CDK5RAP3: variants seen among roughly 807,000 people sequenced by gnomAD.
CDK5RAP3 encodes CDK5 regulatory subunit associated protein 3.
Under a neutral mutation model 73.3 loss-of-function variants are expected in CDK5RAP3, and 58 were observed. The ratio of observed to expected loss-of-function variants is 0.79; its 90% CI spans 0.64 to 0.98. The LOEUF (loss-of-function observed/expected upper bound fraction) is 0.98, where lower values mean the gene tolerates loss of function less well. Among genes scored for constraint, CDK5RAP3 ranks in the 50% least tolerant of loss-of-function variants. The pLI, the probability that CDK5RAP3 is intolerant of heterozygous loss-of-function variation, is 0.00. For missense variants in CDK5RAP3, 525 were observed against 615.8 expected (o/e 0.85, Z 1.56); for synonymous variants, 224 against 247.5 (o/e 0.91, Z 0.89).
intron 2 of CDK5RAP3, among the ~76,000 whole-genome samples, chr17:47,971,715 A>G (rs1292825291): frequency 6.6e-6 from 1 of 152,208 alleles, no homozygotes; most frequent in Admixed American, 6.5e-5. Context: ...CATGCCTGTA[A>G]TCCCAGCACT....
At position 47,973,916 on chromosome 17, in the gene CDK5RAP3, T is replaced by G; in HGVS notation, c.185-15T>G. 1 of 1,596,544 alleles carries G rather than the reference T, an allele frequency of 6.3e-7. No homozygotes were observed. Among genetic ancestry groups the G allele is most frequent in the Non-Finnish European group, 8.6e-7 (1 of 1,163,960 alleles). On this transcript the variant is annotated splice_polypyrimidine_tract_variant and intron_variant, in intron 3 of 13. Coordinates refer to ENST00000338399, the MANE Select transcript of CDK5RAP3 (RefSeq NM_176096.3). ...AGATACTTTAGTTCTCGAAATCCCG[T>G]CTCTTGCTTTCTAGACATTCACTAC...
chr17:47,972,091 A>G (rs2036284731), intron 2 of CDK5RAP3, among the ~76,000 whole-genome samples: 1 of 72,574 alleles, frequency 1.4e-5, no homozygotes. Context: ...GCATTATGCC[A>G]GGAAAAAAAA....
intron 4 of CDK5RAP3, 93 bp from the exon 5 acceptor site, chr17:47,974,307 A>T (rs1598219904): frequency 1.8e-6 from 2 of 1,106,240 alleles, no homozygotes; most frequent in East Asian, 4.7e-5. Context: ...TGTGATGTAA[A>T]GGCTGGGAGA....
chr17:47,971,345 A>C lies in CDK5RAP3; in HGVS notation c.7-17A>C. The C allele has an allele frequency of 1.9e-6, 3 of 1,608,380 alleles. No homozygotes were observed. Among genetic ancestry groups the C allele is most frequent in the Non-Finnish European group, 2.5e-6 (3 of 1,177,630 alleles). On this transcript the variant is annotated splice_polypyrimidine_tract_variant and intron_variant, in intron 1 of 13. Transcript: ENST00000338399. ...TCTCCGCGCTCACGCCCCCCTCCTC[A>C]CCGTGTTTCCCGCCAGGACCATCAG...
At position 47,978,920 on chromosome 17, in the gene CDK5RAP3, A is replaced by T; in HGVS notation, c.1077+3A>T. The T allele has an allele frequency of 6.2e-7, 1 of 1,611,884 alleles. No individual in the cohort carries two copies. Among genetic ancestry groups the T allele is most frequent in the South Asian group, 1.1e-5 (1 of 91,038 alleles). On this transcript the variant is annotated splice_donor_region_variant and intron_variant, in intron 11 of 13. Transcript: ENST00000338399. ...AGTTCCTTGATGAGCTCATGGAGGT[A>T]CTGTCATCTCTGGAAGATGCAGGGG... is the stretch of plus-strand genomic sequence containing the variant.
chr17:47,981,373 C>T (rs200037298), intron 13 of CDK5RAP3, 39 bp downstream of exon 13: 4 of 1,613,956 alleles, frequency 2.5e-6, no homozygotes, highest in Non-Finnish European at 3.4e-6. Context: ...GGGAGGACTC[C>T]CAGTCTGTGC....
intron 3 of CDK5RAP3, 56 bp downstream of exon 3, chr17:47,973,706 A>C: frequency 6.3e-7 from 1 of 1,599,308 alleles, no homozygotes; most frequent in Non-Finnish European, 8.6e-7. Flanking sequence ...AGTATGTATC[A>C]GCTGAGCTAC....
chr17:47,970,367 C>G (rs928743110), upstream of CDK5RAP3, among the ~76,000 whole-genome samples: 35 of 152,290 alleles, frequency 2.3e-4, no homozygotes, highest in Non-Finnish European at 4.4e-4. Flanking sequence ...CTGTGCATTT[C>G]CATTTTGCAC....
intron 4 of CDK5RAP3, 126 bp downstream of exon 4, chr17:47,974,157 CTG>C: frequency 1.3e-6 from 1 of 754,740 alleles, no homozygotes; most frequent in South Asian, 1.6e-5. Context: ...AACTTTCACT[CTG>C]TCTCTATAGT....
At chr17:47,975,086 A>T (rs773964349) in intron 5 of CDK5RAP3, 73 bp from the exon 6 acceptor site, 1 of 1,612,878 alleles carries the variant, frequency 6.2e-7, no homozygotes, top group South Asian at 1.1e-5. Context: ...ACCACAAAGG[A>T]TGTGTGTGCA....
intron 9 of CDK5RAP3, among the ~76,000 whole-genome samples, chr17:47,977,250 G>A (rs1000356865): frequency 5.3e-5 from 8 of 152,162 alleles, no homozygotes; most frequent in African/African-American, 1.7e-4. Context: ...CCGGGTTCAC[G>A]CCATTCTCCT....
chr17:47,973,872 T>C (rs1407732557), intron 3 of CDK5RAP3, 59 bp from the exon 4 acceptor site: 25 of 1,373,056 alleles, frequency 1.8e-5, no homozygotes, highest in Non-Finnish European at 2.6e-5. Context: ...CCACCTGCAG[T>C]GCCCAGAGTA....
At chr17:47,976,653 C>T (rs910906870) in intron 8 of CDK5RAP3, 59 bp from the exon 9 acceptor site, 25 of 1,194,634 alleles carry the variant, frequency 2.1e-5, no homozygotes, top group Non-Finnish European at 3.1e-5. Context: ...CATGAGCCAC[C>T]ATGCCCGGCC....
intron 4 of CDK5RAP3, 52 bp downstream of exon 4, chr17:47,974,083 G>T (rs1465145211): frequency 7.9e-7 from 1 of 1,272,420 alleles, no homozygotes; most frequent in Non-Finnish European, 1.2e-6. Flanking sequence ...TCCAATCCGA[G>T]GAGTCATAGC....
chr17:47,974,171 T>G, intron 4 of CDK5RAP3, 140 bp downstream of exon 4: 1 of 728,592 alleles, frequency 1.4e-6, no homozygotes, highest in Admixed American at 2.5e-5. Context: ...CTCTATAGTT[T>G]ACTCCAAAAG....
upstream of CDK5RAP3, chr17:47,971,063 C>T: frequency 1.9e-6 from 3 of 1,549,984 alleles, no homozygotes; most frequent in Admixed American, 2.0e-5. Context: ...TGTGTCTAAA[C>T]GGAGGCTCGG....
At chr17:47,970,927 C>G, upstream of CDK5RAP3, 4 of 1,450,618 alleles carry the variant, frequency 2.8e-6, no homozygotes, top group Non-Finnish European at 3.6e-6. Context: ...TTGGCTGTCT[C>G]CATTCTCCCG....
Position 47,975,619 on chromosome 17 carries a change from G to A in CDK5RAP3, c.619G>A (p.Val207Met), listed in dbSNP as rs751198396. 18 of 1,606,276 alleles carry A rather than the reference G, an allele frequency of 1.1e-5. No individual in the cohort carries two copies. In the East Asian group the frequency reaches 1.8e-4, roughly 16 times the overall value. ...GCAGTCCCTGGGGGAAGCCATTGAC[G>A]TGTACCAGGCGTCTGTGGGGTTTGT... is the stretch of plus-strand genomic sequence containing the variant. ...AQQSLGEAID[V>M]YQASVGFVCE... The change falls in exon 7 of 14, where the codon GTG (valine) becomes ATG (methionine). Residue 207 changes from valine to methionine, a missense_variant. By Grantham distance (21) the Val-to-Met change is conservative. Transcript: ENST00000338399.
chr17:47,972,497 T>C (rs1362519388), intron 2 of CDK5RAP3, among the ~76,000 whole-genome samples: 1 of 152,194 alleles, frequency 6.6e-6, no homozygotes, highest in African/African-American at 2.4e-5. Flanking sequence ...GTTCAAGTTC[T>C]GAATTCACCA....
Sources: allele counts gnomAD v4.1 joint callset (sites outside exome capture counted in the v4.1 genomes callset), GRCh38; gene constraint gnomAD v4.1.1; transcripts MANE v1.5; gene names NCBI Gene and HGNC (gene_info 2026-07-23, HGNC 2026-07-21).